Variants in GPHN observed in about 807,000 individuals in gnomAD.
GPHN encodes gephyrin.
GPHN carries 17 observed loss-of-function variants against 95.5 expected under a neutral mutation model. The ratio of observed to expected loss-of-function variants is 0.18; its 90% CI spans 0.12 to 0.27. The LOEUF (loss-of-function observed/expected upper bound fraction) is 0.27. Ranked by LOEUF, GPHN falls within the 10% of genes least tolerant of loss-of-function variation. GPHN has a pLI of 1.00. For missense variants in GPHN, 660 were observed against 978.1 expected (o/e 0.67, Z 4.34); for synonymous variants, 320 against 322.5 (o/e 0.99, Z 0.08).
the GPHN span, chr14:67,395,320 G>T: frequency 2.4e-6 from 3 of 1,230,642 alleles, no homozygotes; most frequent in Non-Finnish European, 2.3e-6. Flanking sequence ...CAAGCACAGA[G>T]CCCCCCCAAG....
intron 11 of GPHN, among the ~76,000 whole-genome samples, chr14:67,069,994 T>C (rs150400969): frequency 6.6e-6 from 1 of 152,212 alleles, no homozygotes; most frequent in Non-Finnish European, 1.5e-5. Flanking sequence ...GGTCTTCACT[T>C]AGAATGATTC....
chr14:67,570,238 G>T, the GPHN span: 3 of 574,358 alleles, frequency 5.2e-6, no homozygotes, highest in East Asian at 4.3e-4. Flanking sequence ...AGGTAAGAAG[G>T]TTAAGCCTAT....
At chr14:67,086,622 A>T (rs975018711) in intron 11 of GPHN, among the ~76,000 whole-genome samples, 1 of 149,958 alleles carries the variant, frequency 6.7e-6, no homozygotes, top group Non-Finnish European at 1.5e-5. Context: ...ACTGCACTCC[A>T]GCCTGGGCGA....
At chr14:67,368,191 A>G in the GPHN span, among the ~76,000 whole-genome samples, 1 of 152,190 alleles carries the variant, frequency 6.6e-6, no homozygotes, top group Non-Finnish European at 1.5e-5. Context: ...CTGCAGGAAA[A>G]GCAAGGCAGA....
chr14:67,595,143 A>T, the GPHN span, among the ~76,000 whole-genome samples: 3 of 140,074 alleles, frequency 2.1e-5, no homozygotes, highest in Non-Finnish European at 4.7e-5. Flanking sequence ...TCTAAAAAAA[A>T]TAAAAATAAA....
intron 3 of GPHN, among the ~76,000 whole-genome samples, chr14:66,777,321 G>A (rs2059421367): frequency 6.6e-6 from 1 of 152,118 alleles, no homozygotes; most frequent in Non-Finnish European, 1.5e-5. Flanking sequence ...TGAAATTCTG[G>A]CAATAATCAG....
At chr14:66,999,447 C>T (rs72730435) in intron 9 of GPHN, among the ~76,000 whole-genome samples, 8,980 of 151,716 alleles carry the variant, frequency 0.059, 326 homozygotes, top group Middle Eastern at 0.085. Flanking sequence ...AATTTATTGT[C>T]ATGTAATTTA....
rs1676684324 is a variant in GPHN, at chr14:67,056,268, T to C, written c.1007-2381T>C. On this transcript the variant is annotated intron_variant, in intron 10 of 22. Transcript: ENST00000478722. ...CCTTGAGCTAGACACAGAGTGCTGA[T>C]TGGTGCATTTACAATCCTTTAGCTA... 5.3e-5 allele frequency among the ~76,000 whole-genome samples: 8 copies of C among 152,222 alleles called. No individual in the cohort carries two copies. In the South Asian group the frequency reaches 1.4e-3, roughly 28 times the overall value.
chr14:67,172,849 A>T (rs2082678165), intron 21 of GPHN, among the ~76,000 whole-genome samples: 1 of 152,124 alleles, frequency 6.6e-6, no homozygotes, highest in Non-Finnish European at 1.5e-5. Context: ...GATTCTACCA[A>T]GCCCCACCAG....
At chr14:67,122,508 A>G (rs2079069931) in intron 17 of GPHN, 131 bp downstream of exon 17, 1 of 754,256 alleles carries the variant, frequency 1.3e-6, no homozygotes, top group Non-Finnish European at 2.3e-6. Flanking sequence ...CATTCTTCAG[A>G]AGCCAAAGAA....
chr14:67,411,891 C>T, the GPHN span: 1 of 860,804 alleles, frequency 1.2e-6, no homozygotes, highest in Non-Finnish European at 1.7e-6. Flanking sequence ...CGGCCCGGTC[C>T]CACCATGGGG....
At chr14:66,661,492 T>C (rs1248112626) in intron 1 of GPHN, among the ~76,000 whole-genome samples, 3 of 151,834 alleles carry the variant, frequency 2.0e-5, no homozygotes, top group African/African-American at 7.3e-5. Context: ...GATTTCTCTT[T>C]GGGACTGAGT....
intron 8 of GPHN, among the ~76,000 whole-genome samples, chr14:66,937,876 C>A (rs2067213323): frequency 1.3e-5 from 2 of 152,022 alleles, no homozygotes; most frequent in Non-Finnish European, 2.9e-5. Context: ...TAAACTATGC[C>A]CAAGAAACTT....
the GPHN span, among the ~76,000 whole-genome samples, chr14:67,680,546 C>G: frequency 1.3e-5 from 2 of 152,166 alleles, no homozygotes; most frequent in Admixed American, 6.5e-5. Flanking sequence ...TCACTACAAC[C>G]TCCCCAGGCT....
chr14:67,554,451 CG>C, the GPHN span, among the ~76,000 whole-genome samples: 1 of 152,046 alleles, frequency 6.6e-6, no homozygotes, highest in Non-Finnish European at 1.5e-5. Flanking sequence ...TCGTGGAAGG[CG>C]TGGCTGGGAT....
intron 6 of GPHN, among the ~76,000 whole-genome samples, chr14:66,916,816 T>C (rs1385196976): frequency 6.6e-6 from 1 of 152,238 alleles, no homozygotes; most frequent in Non-Finnish European, 1.5e-5. Flanking sequence ...AATTCTTTGC[T>C]GTACAAGCTA....
At chr14:66,821,793 C>G (rs1026442926) in intron 3 of GPHN, among the ~76,000 whole-genome samples, 1 of 152,056 alleles carries the variant, frequency 6.6e-6, no homozygotes, top group African/African-American at 2.4e-5. Flanking sequence ...GCTACTTTGG[C>G]CAACAAAATA....
chr14:67,618,250 C>T, the GPHN span, among the ~76,000 whole-genome samples: 9 of 152,286 alleles, frequency 5.9e-5, no homozygotes, highest in South Asian at 8.3e-4. Context: ...CATAGGTTAC[C>T]GGTGCCCTAC....
chr14:67,097,308 G>A (rs2153674761), intron 12 of GPHN, among the ~76,000 whole-genome samples: 1 of 152,250 alleles, frequency 6.6e-6, no homozygotes, highest in East Asian at 1.9e-4. Context: ...AATAAGAAAA[G>A]GACGCTTTAA....
Sources: allele counts gnomAD v4.1 joint callset (sites outside exome capture counted in the v4.1 genomes callset), GRCh38; gene constraint gnomAD v4.1.1; transcripts MANE v1.5; gene names NCBI Gene and HGNC (gene_info 2026-07-23, HGNC 2026-07-21).